Variants in ASAP2 observed in about 807,000 individuals in gnomAD.
ASAP2 encodes ArfGAP with SH3 domain, ankyrin repeat and PH domain 2.
A neutral mutation model predicts 131.4 loss-of-function variants in ASAP2; 45 were observed. That is an observed-to-expected ratio of 0.34 (90% CI 0.27 to 0.44). ASAP2 has a LOEUF of 0.44. Among genes scored for constraint, ASAP2 ranks in the 20% least tolerant of loss-of-function variants. The pLI is 1.00. For synonymous variants in ASAP2, 510 were observed against 503.0 expected (o/e 1.01, Z -0.19); for missense variants, 1,011 against 1,297.0 (o/e 0.78, Z 3.39).
At chr2:9,231,131 G>T (rs1663130966) in intron 1 of ASAP2, among the ~76,000 whole-genome samples, 1 of 152,220 alleles carries the variant, frequency 6.6e-6, no homozygotes, top group Non-Finnish European at 1.5e-5. Context: ...TGTGCTTCCT[G>T]CCAGCAGGAT....
Position 9,388,552 on chromosome 2 carries a change from A to C in ASAP2, c.2383+6A>C, listed in dbSNP as rs1675478262. ...TCCACGGAATGTTGGCAAAGGTATGAAGCTGTCCGTCATCCCTGTGAATAT... is the reference window on the plus strand; with the variant it reads ...TCCACGGAATGTTGGCAAAGGTATGCAGCTGTCCGTCATCCCTGTGAATAT... On this transcript the variant is annotated splice_donor_region_variant and intron_variant, in intron 22 of 27. Transcript: ENST00000281419. 6.2e-7 allele frequency: 1 copy of C among 1,610,704 alleles called. No homozygotes were observed. Among genetic ancestry groups the C allele is most frequent in the Admixed American group, 1.7e-5 (1 of 58,854 alleles).
At position 9,329,574 on chromosome 2, in the gene ASAP2, G is replaced by A. The variant is rs961902442; in HGVS notation, c.686+1663G>A. ...CGGCTGTAACAAGATTACTCTGTGT[G>A]TTGTGGAGAAGGAACCAAACAGGAC... On this transcript the variant is annotated intron_variant, in intron 7 of 27. Transcript: ENST00000281419. 4.4e-4 allele frequency among the ~76,000 whole-genome samples: 67 copies of A among 152,232 alleles called. 1 individual carries two copies. The highest frequency in any genetic ancestry group is 1.8e-4 in the Non-Finnish European group (12 of 68,042).
At chr2:9,239,629 C>T (rs755418501) in intron 1 of ASAP2, among the ~76,000 whole-genome samples, 3 of 152,130 alleles carry the variant, frequency 2.0e-5, no homozygotes. Context: ...TAATATTAAC[C>T]GAGCACCATT....
Position 9,388,424 on chromosome 2 carries a change from T to C in ASAP2, c.2261T>C (p.Met754Thr), listed in dbSNP as rs748839001. The change falls in exon 22 of 28, where the codon ATG becomes ACG. Residue 754 changes from methionine to threonine, a missense_variant. Physicochemically the swap from Met to Thr is moderately conservative, Grantham distance 81 (BLOSUM62 -1). Around this residue, in one of 2 missense-constraint regions of ASAP2, gnomAD observed 652 missense variants for 698.9 expected, o/e 0.93. Transcript: ENST00000281419. ...NLAKEKQRAF[M>T]PSILQNETYG... ...GCCAAGGAGAAGCAGAGGGCTTTCATGCCCAGCATCTTGCAGAATGAGACT... is the reference window on the plus strand; with the variant it reads ...GCCAAGGAGAAGCAGAGGGCTTTCACGCCCAGCATCTTGCAGAATGAGACT... 7 of 1,614,030 alleles carry C rather than the reference T, an allele frequency of 4.3e-6. No individual in the cohort carries two copies. The highest frequency in any genetic ancestry group is 4.0e-5 in the African/African-American group (3 of 74,924).
intron 1 of ASAP2, among the ~76,000 whole-genome samples, chr2:9,214,400 C>T (rs781008975): frequency 2.2e-4 from 33 of 152,126 alleles, no homozygotes; most frequent in Non-Finnish European, 4.0e-4. Context: ...CCACCATGCC[C>T]GGCTGATTTT....
At position 9,207,282 on chromosome 2, in the gene ASAP2, C is replaced by T. The variant is rs1255811447; in HGVS notation, c.126+52C>T. The T allele has an allele frequency of 2.0e-6, 3 of 1,468,964 alleles. No homozygotes were observed. Among genetic ancestry groups the T allele is most frequent in the African/African-American group, 2.9e-5 (2 of 68,576 alleles). 91.0% of individuals were successfully genotyped at this position (1,468,964 alleles called of 1,614,324 possible). On this transcript the variant is annotated intron_variant, in intron 1 of 27. Transcript: ENST00000281419. The surrounding 1 kb of genome is among the most constrained non-coding windows in gnomAD (Gnocchi z 4.1). ...GCCGCAGGTATCCCGCGCCCCAGCC[C>T]CGCCCGCCGCTCCCGCATCCGCATC...
chr2:9,298,585 C>G (rs1668292908), intron 3 of ASAP2, among the ~76,000 whole-genome samples: 1 of 152,214 alleles, frequency 6.6e-6, no homozygotes, highest in South Asian at 2.1e-4. Flanking sequence ...GCAGTGGAGC[C>G]CTCGCCCTGC....
rs767953253 is a variant in ASAP2, at chr2:9,401,260, C to T, written c.2824-14C>T. On this transcript the variant is annotated splice_polypyrimidine_tract_variant and intron_variant, in intron 26 of 27. Coordinates refer to ENST00000281419, the MANE Select transcript of ASAP2 (RefSeq NM_003887.3). The stretch of plus-strand genomic sequence containing the variant: ...CTGCAGCCACACTAACCGTTGTTCC[C>T]TCTCCTGACCCAGACCAAGTTGAAG... 5 of 1,613,268 alleles carry T rather than the reference C, an allele frequency of 3.1e-6. No individual in the cohort carries two copies. Among genetic ancestry groups the T allele is most frequent in the Non-Finnish European group, 1.7e-6 (2 of 1,179,836 alleles).
intron 1 of ASAP2, among the ~76,000 whole-genome samples, chr2:9,257,504 A>G (rs1409987845): frequency 6.6e-6 from 1 of 152,162 alleles, no homozygotes; most frequent in Non-Finnish European, 1.5e-5. Context: ...AGGCTAGGAG[A>G]ATGTGAAAGT....
chr2:9,254,237 A>AAATATT (rs1664953950), intron 1 of ASAP2, among the ~76,000 whole-genome samples: 1 of 36,688 alleles, frequency 2.7e-5, no homozygotes, highest in African/African-American at 1.0e-4. Context: ...AAAAAAAAAA[A>AAATATT]TATATATATA....
chr2:9,261,165 G>C (rs1311445344), intron 1 of ASAP2, among the ~76,000 whole-genome samples: 1 of 152,192 alleles, frequency 6.6e-6, no homozygotes, highest in Non-Finnish European at 1.5e-5. Context: ...GGGGTTAGTG[G>C]AACAGGGTTT....
chr2:9,393,449 G>C lies in ASAP2; in HGVS notation c.2519-33G>C, dbSNP rs1271941776. ...GGCCTGAGTGGGAAGCCTGGCGGCT[G>C]ACCCTCTGCACGTCTCTCCCTGTCC... On this transcript the variant is annotated intron_variant, in intron 23 of 27. Coordinates refer to ENST00000281419, the MANE Select transcript of ASAP2 (RefSeq NM_003887.3). The C allele has an allele frequency of 3.8e-6, 6 of 1,562,286 alleles. No individual in the cohort carries two copies. In the East Asian group the frequency reaches 1.2e-4, roughly 30 times the overall value.
chr2:9,242,810 T>C (rs534105632), intron 1 of ASAP2, among the ~76,000 whole-genome samples: 1 of 152,272 alleles, frequency 6.6e-6, no homozygotes, highest in Non-Finnish European at 1.5e-5. Flanking sequence ...GCTGGGGAAG[T>C]AGGTTTTGAT....
At chr2:9,305,626 ACAGGCTG>A (rs1668859240) in intron 3 of ASAP2, among the ~76,000 whole-genome samples, 1 of 125,584 alleles carries the variant, frequency 8.0e-6, no homozygotes, top group Non-Finnish European at 1.7e-5. Context: ...ATATTGGTGG[ACAGGCTG>A]GAGTAGTGGG....
Position 9,268,827 on chromosome 2 carries a change from C to T in ASAP2, c.127-10490C>T, listed in dbSNP as rs1219413052. Among the ~76,000 whole-genome samples the T allele has an allele frequency of 6.6e-6, 1 of 152,212 alleles. No individual in the cohort carries two copies. The highest frequency in any genetic ancestry group is 1.5e-5 in the Non-Finnish European group (1 of 68,046). The stretch of plus-strand genomic sequence containing the variant: ...GGAGCATGCTAGGGCTGCCTGAGTG[C>T]TGCAGGCCTCTGCTCTCCCCAGGGC... On this transcript the variant is annotated intron_variant, in intron 1 of 27. Coordinates refer to ENST00000281419, the MANE Select transcript of ASAP2 (RefSeq NM_003887.3). The surrounding 1 kb of genome is among the most constrained non-coding windows in gnomAD (Gnocchi z 4.1).
chr2:9,258,929 G>T (rs1665374334), intron 1 of ASAP2, among the ~76,000 whole-genome samples: 1 of 152,126 alleles, frequency 6.6e-6, no homozygotes, highest in Non-Finnish European at 1.5e-5. Context: ...TACAGACTGG[G>T]GTCTGCAGCC....
rs746719101 is a variant in ASAP2, at chr2:9,334,813, G to A, written c.762G>A (p.Thr254=). 6 of 1,612,806 alleles carry A rather than the reference G, an allele frequency of 3.7e-6. No homozygotes were observed. The highest frequency in any genetic ancestry group is 1.3e-5 in the African/African-American group (1 of 74,982). The change falls in exon 8 of 28, where the codon ACG becomes ACA. Residue 254 remains threonine (T), a splice_region_variant and synonymous_variant. Transcript: ENST00000281419. ...SIETLSTDLH[T]IKQAQDEERR... ...AAACGCTGTCTACGGATCTTCACAC[G>A]GTGAGTAGCTTCCCTCCCACTGTGG... is the stretch of plus-strand genomic sequence containing the variant.
At chr2:9,318,377 A>G (rs879687752) in intron 3 of ASAP2, 147 bp from the exon 4 acceptor site, 6 of 628,374 alleles carry the variant, frequency 9.5e-6, no homozygotes, top group African/African-American at 1.9e-5. Context: ...CAAAGAATGT[A>G]TGACTGAATA....
At chr2:9,334,697 C>T (rs563935104) in intron 7 of ASAP2, 41 bp from the exon 8 acceptor site, 2 of 1,568,556 alleles carry the variant, frequency 1.3e-6, no homozygotes, top group South Asian at 1.1e-5. Context: ...TTATTTTTTC[C>T]TTTGTGAAAT....
Sources: allele counts gnomAD v4.1 joint callset (sites outside exome capture counted in the v4.1 genomes callset), GRCh38; gene constraint gnomAD v4.1.1; regional missense constraint gnomAD v4.1.1; non-coding constraint Gnocchi (gnomAD v3.1); transcripts MANE v1.5; gene names NCBI Gene and HGNC (gene_info 2026-07-23, HGNC 2026-07-21).